INO80: variants seen among roughly 807,000 people sequenced by gnomAD.
INO80 encodes INO80 complex ATPase subunit.
A neutral mutation model predicts 203.4 loss-of-function variants in INO80; 20 were observed. The observed-to-expected ratio is 0.10, with a 90% CI of 0.07 to 0.14. The LOEUF is 0.14. Ranked by LOEUF, INO80 falls within the 10% of genes least tolerant of loss-of-function variation. The pLI is 1.00. For missense variants in INO80, 1,419 were observed against 1,914.4 expected, an observed-to-expected ratio of 0.74 and a Z score of 4.83; for synonymous variants, 726 against 685.2, an observed-to-expected ratio of 1.06 and a Z score of -0.93.
intron 19 of INO80, among the ~76,000 whole-genome samples, chr15:41,053,265 CT>C (rs1391062181): frequency 6.6e-6 from 1 of 152,154 alleles, no homozygotes; most frequent in African/African-American, 2.4e-5. Flanking sequence ...GCTGCCATGC[CT>C]GGCTAATTTT....
intron 6 of INO80, among the ~76,000 whole-genome samples, chr15:41,086,816 G>A (rs1403617440): frequency 6.6e-6 from 1 of 152,104 alleles, no homozygotes; most frequent in Non-Finnish European, 1.5e-5. Context: ...CACTACAGAA[G>A]ATCATCAGGA....
At chr15:41,095,493 C>A in intron 4 of INO80, 108 bp downstream of exon 4, 2 of 767,604 alleles carry the variant, frequency 2.6e-6, no homozygotes, top group South Asian at 3.3e-5. Flanking sequence ...ATAAGAGAAT[C>A]ATATTTGAAA....
chr15:41,001,329 G>T (rs966849211), intron 28 of INO80, among the ~76,000 whole-genome samples: 1 of 96,382 alleles, frequency 1.0e-5, no homozygotes, highest in African/African-American at 4.0e-5. Flanking sequence ...ACATGTGTAG[G>T]TCTCGCTCTC....
chr15:41,089,877 G>A (rs1473160632), intron 5 of INO80, among the ~76,000 whole-genome samples: 1 of 152,152 alleles, frequency 6.6e-6, no homozygotes, highest in Non-Finnish European at 1.5e-5. Context: ...CACCCAAAGA[G>A]CAACTGCATG....
intron 24 of INO80, among the ~76,000 whole-genome samples, chr15:41,032,302 G>C (rs1204556891): frequency 6.6e-6 from 1 of 152,138 alleles, no homozygotes; most frequent in African/African-American, 2.4e-5. Flanking sequence ...AGAGGAAAAA[G>C]TTTCACTTTA....
At chr15:41,090,699 G>C (rs1176592970) in intron 5 of INO80, among the ~76,000 whole-genome samples, 2 of 152,036 alleles carry the variant, frequency 1.3e-5, no homozygotes, top group South Asian at 2.1e-4. Flanking sequence ...TCTGGAATTA[G>C]GCAGTAATGA....
intron 27 of INO80, among the ~76,000 whole-genome samples, chr15:41,013,971 C>T (rs1020672924): frequency 6.6e-6 from 1 of 152,134 alleles, no homozygotes; most frequent in African/African-American, 2.4e-5. Flanking sequence ...CCAAAAATAA[C>T]TGTTGGATTA....
chr15:41,008,494 G>C (rs998093437), intron 27 of INO80, among the ~76,000 whole-genome samples: 8 of 152,152 alleles, frequency 5.3e-5, no homozygotes, highest in Non-Finnish European at 1.2e-4. Flanking sequence ...AAATCCTGGA[G>C]ATCTAATGTA....
intron 27 of INO80, among the ~76,000 whole-genome samples, chr15:41,009,486 G>C (rs1192894157): frequency 6.8e-6 from 1 of 146,918 alleles, no homozygotes; most frequent in Non-Finnish European, 1.5e-5. Context: ...TGCAGTGTTT[G>C]GTTTTTTGTT....
chr15:40,998,167 G>A (rs1458617537), intron 28 of INO80, among the ~76,000 whole-genome samples: 6 of 151,658 alleles, frequency 4.0e-5, no homozygotes, highest in Admixed American at 2.6e-4. Context: ...GACTATAGGC[G>A]CTCGCCACCA....
chr15:40,988,581 G>A (rs1190394727), intron 29 of INO80, among the ~76,000 whole-genome samples: 1 of 151,786 alleles, frequency 6.6e-6, no homozygotes, highest in Admixed American at 6.6e-5. Context: ...GCAATACCCT[G>A]TCTCAAAAAC....
chr15:41,087,594 T>C lies in INO80; in HGVS notation c.626A>G (p.Lys209Arg), dbSNP rs758135552. The change falls in exon 6 of 36, where the codon AAA becomes AGA. Residue 209 changes from lysine (K) to arginine (R), a missense_variant. This residue lies in a region of INO80 where 323 missense variants were observed against 325.4 expected (regional missense o/e 0.99). Coordinates refer to ENST00000648947, the MANE Select transcript of INO80 (RefSeq NM_017553.3). ...TTTCTTTTCCTCCTTAAATTTCTTT[T>C]TCTTGGGTCCAAGTAGGTGCCGTTG... ...EQQRHLLGPK[K>R]KKFKEEKKLK... The C allele has an allele frequency of 1.5e-5, 24 of 1,613,884 alleles. No homozygotes were observed. The highest frequency in any genetic ancestry group is 2.0e-5 in the Non-Finnish European group (24 of 1,180,006).
chr15:41,021,919 T>C (rs75395620), intron 25 of INO80, among the ~76,000 whole-genome samples: 45 of 152,376 alleles, frequency 3.0e-4, no homozygotes, highest in African/African-American at 1.0e-3. Flanking sequence ...CCTACTCTAA[T>C]AGGCAGTATT....
chr15:41,028,404 G>A (rs939978544), intron 24 of INO80, among the ~76,000 whole-genome samples: 22 of 152,082 alleles, frequency 1.4e-4, no homozygotes, highest in Admixed American at 7.2e-4. Context: ...CCAAAGTGCT[G>A]GGATTACAGG....
At chr15:41,050,162 A>T in intron 19 of INO80, 60 bp from the exon 20 acceptor site, 1 of 1,236,088 alleles carries the variant, frequency 8.1e-7, no homozygotes, top group Admixed American at 2.0e-5. Context: ...ATTCAGCATC[A>T]GCTTAAAGTT....
chr15:41,077,187 G>T (rs530254856), intron 9 of INO80, among the ~76,000 whole-genome samples: 37 of 150,014 alleles, frequency 2.5e-4, no homozygotes, highest in South Asian at 6.3e-4. Flanking sequence ...GATTACAAGC[G>T]TGAGCCACCG....
chr15:41,109,454 AG>A (rs1467886495), intron 1 of INO80, among the ~76,000 whole-genome samples: 1 of 151,708 alleles, frequency 6.6e-6, no homozygotes, highest in East Asian at 2.0e-4. Context: ...CTTCAAAAAA[AG>A]TACTAATGAG....
chr15:41,023,815 AAC>A (rs1018503621), intron 25 of INO80, among the ~76,000 whole-genome samples: 2 of 150,560 alleles, frequency 1.3e-5, no homozygotes, highest in African/African-American at 4.9e-5. Context: ...AACAAAAAAA[AAC>A]AACAAAAAAA....
chr15:41,074,205 T>C (rs963300769), intron 10 of INO80, among the ~76,000 whole-genome samples, 165 bp downstream of exon 10: 1 of 152,126 alleles, frequency 6.6e-6, no homozygotes, highest in Non-Finnish European at 1.5e-5. Flanking sequence ...AATGGTCTTA[T>C]ACTTCTGTTA....
Sources: allele counts gnomAD v4.1 joint callset (sites outside exome capture counted in the v4.1 genomes callset), GRCh38; gene constraint gnomAD v4.1.1; regional missense constraint gnomAD v4.1.1; transcripts MANE v1.5; gene names NCBI Gene and HGNC (gene_info 2026-07-23, HGNC 2026-07-21).